NCK1: variants seen among roughly 807,000 people sequenced by gnomAD.
NCK1 encodes the protein SH2/SH3 adapter protein NCK1.
Under a neutral mutation model 36.6 loss-of-function variants are expected in NCK1, and 19 were observed. The ratio of observed to expected loss-of-function variants is 0.52; its 90% CI spans 0.36 to 0.76. The LOEUF (loss-of-function observed/expected upper bound fraction) is 0.76, where lower values mean the gene tolerates loss of function less well. Among genes scored for constraint, NCK1 ranks in the 30% least tolerant of loss-of-function variants. NCK1 has a pLI of 0.00. For missense variants in NCK1, 358 were observed against 445.6 expected (o/e 0.80, Z 1.77); for synonymous variants, 165 against 156.0 (o/e 1.06, Z -0.43).
intron 1 of NCK1, among the ~76,000 whole-genome samples, chr3:136,912,297 G>A (rs2108112364): frequency 6.6e-6 from 1 of 151,788 alleles, no homozygotes; most frequent in East Asian, 1.9e-4. Flanking sequence ...CACGTAGCTG[G>A]AACTACAGGC....
rs1008264920 is a variant in NCK1, at chr3:136,928,246, G to C, written c.226+19G>C. On this transcript the variant is annotated intron_variant, in intron 2 of 3. Coordinates refer to ENST00000481752, the MANE Select transcript of NCK1 (RefSeq NM_001291999.2). The stretch of plus-strand genomic sequence containing the variant: ...ACCTTAGGTAAGATATTTTTTAAAA[G>C]AAAAGCAACTTTGTTTTAAATGAAA... The C allele has an allele frequency of 3.8e-6, 6 of 1,574,996 alleles. No homozygotes were observed. Among genetic ancestry groups the C allele is most frequent in the African/African-American group, 2.8e-5 (2 of 72,616 alleles).
chr3:136,870,108 G>A (rs955714582), intron 1 of NCK1, among the ~76,000 whole-genome samples: 3 of 149,800 alleles, frequency 2.0e-5, no homozygotes, highest in South Asian at 2.1e-4. Context: ...TTGGGAGGCC[G>A]AGGCAGGTGG....
At chr3:136,863,447 A>C (rs1279977879) in intron 1 of NCK1, among the ~76,000 whole-genome samples, 1 of 152,230 alleles carries the variant, frequency 6.6e-6, no homozygotes, top group East Asian at 1.9e-4. Flanking sequence ...ATTGTCAATA[A>C]TATTCGTTCT....
intron 1 of NCK1, among the ~76,000 whole-genome samples, chr3:136,920,273 C>T (rs1162512753): frequency 6.6e-6 from 1 of 151,782 alleles, no homozygotes; most frequent in Non-Finnish European, 1.5e-5. Context: ...TAGTGTAGGT[C>T]AAATAAAATT....
chr3:136,916,574 CTTA>C (rs1377665304), intron 1 of NCK1, among the ~76,000 whole-genome samples: 1 of 151,980 alleles, frequency 6.6e-6, no homozygotes, highest in Non-Finnish European at 1.5e-5. Flanking sequence ...CAATCTAAAC[CTTA>C]TTAATAATGT....
Position 136,945,873 on chromosome 3 carries a change from G to T in NCK1, c.517G>T (p.Gly173Cys), listed in dbSNP as rs746766223. Reference sequence around the variant, plus strand: ...TGACAGTCCTTTGGGTGACCATGTGGGTTCTCTGTCAGAGAAATTAGCAGC... The same window carrying T: ...TGACAGTCCTTTGGGTGACCATGTGTGTTCTCTGTCAGAGAAATTAGCAGC... ...EGDSPLGDHV[G>C]SLSEKLAAVV... The change falls in exon 3 of 4, where the codon GGT (glycine) becomes TGT (cysteine). Residue 173 changes from glycine (G) to cysteine (C), a missense_variant. By Grantham distance (159) the Gly-to-Cys change is radical (BLOSUM62 -3). Transcript: ENST00000481752. 7 of 1,614,046 alleles carry T rather than the reference G, an allele frequency of 4.3e-6. No individual in the cohort carries two copies. The highest frequency in any genetic ancestry group is 5.1e-6 in the Non-Finnish European group (6 of 1,180,004).
chr3:136,887,033 G>A (rs529530061), intron 1 of NCK1, among the ~76,000 whole-genome samples: 8 of 152,078 alleles, frequency 5.3e-5, no homozygotes, highest in Non-Finnish European at 8.8e-5. Context: ...TAGTAGAGAC[G>A]GGGTTTCATT....
At chr3:136,930,056 A>G (rs1259620116) in intron 2 of NCK1, among the ~76,000 whole-genome samples, 4 of 152,148 alleles carry the variant, frequency 2.6e-5, no homozygotes, top group South Asian at 4.1e-4. Context: ...GTTTTGAGTT[A>G]GTGATCTGTA....
intron 1 of NCK1, among the ~76,000 whole-genome samples, chr3:136,879,427 T>C (rs960233252): frequency 4.6e-5 from 7 of 152,182 alleles, no homozygotes; most frequent in African/African-American, 1.7e-4. Context: ...AATTAAAGCC[T>C]AGTCAGGAAA....
At chr3:136,931,634 C>T (rs1047268470) in intron 2 of NCK1, among the ~76,000 whole-genome samples, 1 of 152,034 alleles carries the variant, frequency 6.6e-6, no homozygotes, top group Non-Finnish European at 1.5e-5. Context: ...ATTTGTTTAT[C>T]AACACATTCT....
intron 3 of NCK1, 34 bp from the exon 4 acceptor site, chr3:136,948,225 T>C (rs1474138457): frequency 1.3e-6 from 2 of 1,500,034 alleles, no homozygotes; most frequent in African/African-American, 1.4e-5. Flanking sequence ...GCTTTCAAAA[T>C]GTTTACTATA....
rs1301595703 is a variant in NCK1 at position 136,948,471 on chromosome 3, G to A, written c.*18G>A. ...TATCATGATACTGCTGACCAGAAGT[G>A]ACTGCTGTGTAGCTGTAATTTGTCA... On this transcript the variant is annotated 3_prime_UTR_variant, in exon 4 of 4. Transcript: ENST00000481752. 6.2e-7 allele frequency: 1 copy of A among 1,600,536 alleles called. No individual in the cohort carries two copies.
intron 3 of NCK1, among the ~76,000 whole-genome samples, chr3:136,947,793 G>A (rs761550449): frequency 1.3e-5 from 2 of 152,084 alleles, no homozygotes; most frequent in Non-Finnish European, 2.9e-5. Context: ...TCTCATTTGT[G>A]TATTCTTCAT....
At chr3:136,930,997 ACTT>A (rs1940376293) in intron 2 of NCK1, among the ~76,000 whole-genome samples, 1 of 151,630 alleles carries the variant, frequency 6.6e-6, no homozygotes, top group Non-Finnish European at 1.5e-5. Flanking sequence ...TTTTTTAACT[ACTT>A]TTTGCTTACT....
chr3:136,862,782 C>CA (rs1208337529), intron 1 of NCK1, among the ~76,000 whole-genome samples: 1 of 152,360 alleles, frequency 6.6e-6, no homozygotes, highest in East Asian at 1.9e-4. Context: ...AGGGCGCTCT[C>CA]ACCTCCAGCC....
rs548878489 is a variant in NCK1, at chr3:136,871,304, G to A, written c.-19+8951G>A. ...AGTCCTAGCTACTTGCAAGGCTGGC[G>A]GGAGGATTGCTTGAGTCCAAGAGGT... On this transcript the variant is annotated intron_variant, in intron 1 of 3. Transcript: ENST00000481752. Among the ~76,000 whole-genome samples, 461 of 152,086 alleles carry A rather than the reference G, an allele frequency of 3.0e-3. 1 individual carries two copies. The highest frequency in any genetic ancestry group is 9.7e-3 in the African/African-American group (403 of 41,460).
At chr3:136,917,701 A>G (rs1407662480) in intron 1 of NCK1, among the ~76,000 whole-genome samples, 1 of 152,180 alleles carries the variant, frequency 6.6e-6, no homozygotes, top group African/African-American at 2.4e-5. Flanking sequence ...CTCTCTCCTT[A>G]GGTAAAGGTC....
At chr3:136,863,902 C>T (rs1265571068) in intron 1 of NCK1, among the ~76,000 whole-genome samples, 1 of 151,278 alleles carries the variant, frequency 6.6e-6, no homozygotes, top group African/African-American at 2.4e-5. Context: ...GAGATTGAAA[C>T]CACCCTAGCA....
At chr3:136,864,291 G>T (rs1396313460) in intron 1 of NCK1, among the ~76,000 whole-genome samples, 1 of 150,730 alleles carries the variant, frequency 6.6e-6, no homozygotes, top group Non-Finnish European at 1.5e-5. Context: ...AGGAGATCGA[G>T]ACCAGCCTGG....
Sources: allele counts gnomAD v4.1 joint callset (sites outside exome capture counted in the v4.1 genomes callset), GRCh38; gene constraint gnomAD v4.1.1; transcripts MANE v1.5; gene names NCBI Gene and HGNC (gene_info 2026-07-23, HGNC 2026-07-21).